Variants in ITGA6 observed in about 807,000 individuals in gnomAD.
ITGA6 encodes the protein integrin subunit alpha 6, also known as integrin alpha-6.
A neutral mutation model predicts 133.6 loss-of-function variants in ITGA6; 63 were observed. The ratio of observed to expected loss-of-function variants is 0.47; its 90% CI spans 0.38 to 0.58. The LOEUF is 0.58. Ranked by LOEUF, ITGA6 falls within the 20% of genes least tolerant of loss-of-function variation. The pLI is 0.00. For missense variants in ITGA6, 1,068 were observed against 1,309.4 expected (o/e 0.82, Z 2.85); for synonymous variants, 434 against 482.0 (o/e 0.90, Z 1.30).
intron 1 of ITGA6, among the ~76,000 whole-genome samples, chr2:172,462,718 A>T (rs1417968632): frequency 6.6e-6 from 1 of 152,226 alleles, no homozygotes; most frequent in Non-Finnish European, 1.5e-5. Flanking sequence ...GGGACTGGGC[A>T]TGTAAATGGG....
At chr2:172,457,627 C>CA (rs1009631601) in intron 1 of ITGA6, among the ~76,000 whole-genome samples, 8 of 151,648 alleles carry the variant, frequency 5.3e-5, no homozygotes, top group South Asian at 4.2e-4. Context: ...ATATGTTAGC[C>CA]AAAAAAAAGT....
At chr2:172,452,651 G>A (rs1685054277) in intron 1 of ITGA6, among the ~76,000 whole-genome samples, 1 of 152,170 alleles carries the variant, frequency 6.6e-6, no homozygotes, top group African/African-American at 2.4e-5. Context: ...AATTGCTAGT[G>A]CTGTTAGTTC....
At chr2:172,472,602 G>A (rs1470874019) in intron 5 of ITGA6, among the ~76,000 whole-genome samples, 1 of 152,202 alleles carries the variant, frequency 6.6e-6, no homozygotes. Context: ...AAAGATCAGA[G>A]GGTTTGGGGG....
chr2:172,478,607 C>T (rs538092348), intron 9 of ITGA6, among the ~76,000 whole-genome samples: 106 of 152,324 alleles, frequency 7.0e-4, no homozygotes, highest in African/African-American at 2.3e-3. Flanking sequence ...CCAAAACATA[C>T]GAAAAGATGT....
chr2:172,467,336 A>C (rs17550605), intron 2 of ITGA6, 145 bp from the exon 3 acceptor site: 1 of 676,224 alleles, frequency 1.5e-6, no homozygotes, highest in Non-Finnish European at 2.7e-6. Context: ...GATGACAAGT[A>C]ATTTTTCTGG....
chr2:172,465,444 C>G (rs1254532335), intron 1 of ITGA6, 95 bp from the exon 2 acceptor site: 3 of 1,442,414 alleles, frequency 2.1e-6, no homozygotes, highest in Non-Finnish European at 2.9e-6. Context: ...GACTCCTAGA[C>G]AAAGAATAAT....
intron 1 of ITGA6, among the ~76,000 whole-genome samples, chr2:172,436,975 G>A (rs1350611493): frequency 6.6e-6 from 1 of 152,224 alleles, no homozygotes; most frequent in African/African-American, 2.4e-5. Context: ...GTGCAGATGG[G>A]GAGGGAAGTG....
chr2:172,475,837 C>T (rs1362212430), intron 8 of ITGA6, 152 bp downstream of exon 8: 7 of 625,402 alleles, frequency 1.1e-5, no homozygotes, highest in African/African-American at 3.7e-5. Flanking sequence ...CTAGAAGATA[C>T]CTTCAAAATA....
chr2:172,467,056 T>C (rs1685706995), intron 2 of ITGA6, among the ~76,000 whole-genome samples: 1 of 152,194 alleles, frequency 6.6e-6, no homozygotes, highest in Non-Finnish European at 1.5e-5. Flanking sequence ...AATAAAAAAA[T>C]TGGGGAGTAT....
chr2:172,487,399 A>G lies in ITGA6; in HGVS notation c.2106A>G (p.Ala702=). The G allele has an allele frequency of 6.2e-7, 1 of 1,614,208 alleles. No individual in the cohort carries two copies. Among genetic ancestry groups the G allele is most frequent in the Non-Finnish European group, 8.5e-7 (1 of 1,180,010 alleles). ...ACGCCCATGAGGCTAAACTGATTGCAACGTTTCCAGACACTTTAACCTATT... is the reference window on the plus strand; with the variant it reads ...ACGCCCATGAGGCTAAACTGATTGCGACGTTTCCAGACACTTTAACCTATT... ...GDDAHEAKLI[A]TFPDTLTYSA... is the part of the protein sequence containing the mutation. Residue 702 remains alanine, a synonymous_variant, in exon 15 of 26, where the codon GCA becomes GCG. Transcript: ENST00000684293.
At chr2:172,502,096 C>G (rs1296315652) in intron 25 of ITGA6, among the ~76,000 whole-genome samples, 195 bp downstream of exon 25, 1 of 152,086 alleles carries the variant, frequency 6.6e-6, no homozygotes, top group Non-Finnish European at 1.5e-5. Context: ...AATGCACAGT[C>G]TTTCGTTGCA....
At chr2:172,454,094 T>TTG (rs1286142230) in intron 1 of ITGA6, among the ~76,000 whole-genome samples, 3 of 150,834 alleles carry the variant, frequency 2.0e-5, no homozygotes, top group African/African-American at 7.4e-5. Flanking sequence ...TTGTTTTGTT[T>TTG]TTTTTTTTTG....
At chr2:172,494,083 C>T (rs951738459) in intron 23 of ITGA6, among the ~76,000 whole-genome samples, 2 of 152,158 alleles carry the variant, frequency 1.3e-5, no homozygotes, top group Admixed American at 6.5e-5. Context: ...TGATTTCTGA[C>T]ATACAATAGC....
chr2:172,465,388 T>A (rs1056079817), intron 1 of ITGA6, 151 bp from the exon 2 acceptor site: 1 of 919,550 alleles, frequency 1.1e-6, no homozygotes, highest in Non-Finnish European at 1.7e-6. Flanking sequence ...GCCATAGGAC[T>A]CTACATTTGT....
intron 1 of ITGA6, among the ~76,000 whole-genome samples, chr2:172,460,595 T>A (rs915895779): frequency 1.3e-5 from 2 of 152,064 alleles, no homozygotes; most frequent in Non-Finnish European, 2.9e-5. Flanking sequence ...AAGTAAGAGG[T>A]TTGTCCGGAG....
intron 1 of ITGA6, among the ~76,000 whole-genome samples, chr2:172,447,897 G>A (rs537335751): frequency 5.3e-5 from 8 of 152,246 alleles, no homozygotes; most frequent in South Asian, 2.1e-4. Flanking sequence ...GAAAGTTGTG[G>A]ATGTTAAAAA....
intron 13 of ITGA6, among the ~76,000 whole-genome samples, chr2:172,485,898 C>T (rs62167776): frequency 4.6e-5 from 7 of 152,176 alleles, no homozygotes; most frequent in African/African-American, 7.2e-5. Context: ...TGATGATGAA[C>T]GGGTGTGGTG....
At chr2:172,432,293 A>T (rs1234936132) in intron 1 of ITGA6, among the ~76,000 whole-genome samples, 1 of 152,248 alleles carries the variant, frequency 6.6e-6, no homozygotes, top group African/African-American at 2.4e-5. Context: ...GGATGTCTGT[A>T]GCACATTGTG....
Position 172,491,495 on chromosome 2 carries a change from A to C in ITGA6, c.2960A>C (p.Asn987Thr). The C allele has an allele frequency of 6.2e-7, 1 of 1,613,576 alleles. No homozygotes were observed. The highest frequency in any genetic ancestry group is 8.5e-7 in the Non-Finnish European group (1 of 1,179,852). ...ATTGATGTGACTGCTGCTGCCGAAAATATCAGGCTGCCAAATGCAGGCACT... is the reference window on the plus strand; with the variant it reads ...ATTGATGTGACTGCTGCTGCCGAAACTATCAGGCTGCCAAATGCAGGCACT... ...AFIDVTAAAENIRLPNAGTQV... is the reference protein window; with the variant it reads ...AFIDVTAAAETIRLPNAGTQV... Residue 987 changes from asparagine (N) to threonine (T), a missense_variant, in exon 23 of 26, where the codon AAT becomes ACT. Physicochemically the swap from Asn to Thr is moderately conservative, Grantham distance 65. Transcript: ENST00000684293. The surrounding 1 kb of genome is among the most constrained non-coding windows in gnomAD (Gnocchi z 4.4).
Sources: allele counts gnomAD v4.1 joint callset (sites outside exome capture counted in the v4.1 genomes callset), GRCh38; gene constraint gnomAD v4.1.1; non-coding constraint Gnocchi (gnomAD v3.1); transcripts MANE v1.5; gene names NCBI Gene and HGNC (gene_info 2026-07-23, HGNC 2026-07-21).